Variants in DNAJC6 observed in about 807,000 individuals in gnomAD.
The protein encoded by DNAJC6 is auxilin.
DNAJC6 carries 34 observed loss-of-function variants against 110.0 expected under a neutral mutation model. That is an observed-to-expected ratio of 0.31 (90% confidence interval 0.24 to 0.41). The LOEUF (loss-of-function observed/expected upper bound fraction) is 0.41. Among genes scored for constraint, DNAJC6 ranks in the 10% least tolerant of loss-of-function variants. DNAJC6 has a pLI of 1.00. For missense variants in DNAJC6, 1,031 were observed against 1,207.8 expected, an observed-to-expected ratio of 0.85 and a Z score of 2.17; for synonymous variants, 406 against 437.2, an observed-to-expected ratio of 0.93 and a Z score of 0.89.
At chr1:65,358,779 T>A (rs886679015) in intron 1 of DNAJC6, among the ~76,000 whole-genome samples, 1 of 152,204 alleles carries the variant, frequency 6.6e-6, no homozygotes, top group Non-Finnish European at 1.5e-5. Context: ...TTGAAAAAAA[T>A]ACATCATTTA....
In DNAJC6 at chr1:65,275,894, A is replaced by G. The variant is rs1428169578; in HGVS notation, c.-131+10962A>G. 2.1e-5 allele frequency among the ~76,000 whole-genome samples: 3 copies of G among 139,658 alleles called. No homozygotes were observed. In the Admixed American group the frequency reaches 2.3e-4, roughly 11 times the overall value. The allele number at this position is 139,658 out of a possible 152,430, so 91.6% of individuals were successfully genotyped here. ...ATTTTTCAGTTCTAGAGTTACTATT[A>G]GATTCTTTTTTTTTTTTTTTGAGAC... On this transcript the variant is annotated intron_variant, in intron 1 of 19. Coordinates refer to the DNAJC6 transcript ENST00000263441.
At chr1:65,363,044 AGC>A (rs1383086555) in intron 1 of DNAJC6, among the ~76,000 whole-genome samples, 6 of 152,322 alleles carry the variant, frequency 3.9e-5, no homozygotes, top group African/African-American at 1.2e-4. Flanking sequence ...GTGAAGGGGA[AGC>A]AAGTCACATC....
intron 1 of DNAJC6, among the ~76,000 whole-genome samples, chr1:65,351,229 T>C (rs1168505083): frequency 6.6e-6 from 1 of 152,216 alleles, no homozygotes; most frequent in Admixed American, 6.5e-5. Context: ...TGTGGTTTCT[T>C]TCTTTCAAAG....
intron 1 of DNAJC6, among the ~76,000 whole-genome samples, chr1:65,276,533 C>T (rs1653677201): frequency 6.6e-6 from 1 of 152,122 alleles, no homozygotes; most frequent in Admixed American, 6.5e-5. Flanking sequence ...TCTGGTTCTC[C>T]TAATCCCAGG....
chr1:65,389,178 T>C (rs1370565276), intron 9 of DNAJC6, 78 bp from the exon 10 acceptor site: 1 of 1,344,484 alleles, frequency 7.4e-7, no homozygotes, highest in Admixed American at 2.0e-5. Context: ...AGAGTCAACC[T>C]AAGATGACTT....
chr1:65,338,973 A>G (rs1314683235), intron 1 of DNAJC6, among the ~76,000 whole-genome samples: 2 of 152,142 alleles, frequency 1.3e-5, no homozygotes, highest in East Asian at 3.9e-4. Flanking sequence ...TCTGTGCTCC[A>G]TTGATGCCCT....
intron 4 of DNAJC6, among the ~76,000 whole-genome samples, chr1:65,368,686 T>TTCCTCCTCCTCTTCCTCC (rs1274394161): frequency 7.1e-6 from 1 of 140,208 alleles, no homozygotes; most frequent in African/African-American, 2.7e-5. Flanking sequence ...CCTTCCTCCC[T>TTCCTCCTCCTCTTCCTCC]TCCTCCTCCT....
rs199682041 is a variant in DNAJC6 at position 65,384,364 on chromosome 1, T to C, written c.800+38T>C. On this transcript the variant is annotated intron_variant, in intron 6 of 18. Coordinates refer to ENST00000371069, the MANE Select transcript of DNAJC6 (RefSeq NM_001256864.2). ...AGATGCAGGCTAGGCACAGATGTAG[T>C]CTAATTGGTATCATGTACTGTTTTA... 2.0e-6 allele frequency: 3 copies of C among 1,475,508 alleles called. No individual in the cohort carries two copies. In the African/African-American group the frequency reaches 4.3e-5, roughly 21 times the overall value. The allele number at this position is 1,475,508 out of a possible 1,614,324, so 91.4% of individuals were successfully genotyped here.
intron 14 of DNAJC6, among the ~76,000 whole-genome samples, chr1:65,400,989 T>C (rs1361730627): frequency 6.6e-6 from 1 of 152,232 alleles, no homozygotes; most frequent in Non-Finnish European, 1.5e-5. Context: ...ACATGTTTTT[T>C]GTTTTTTTTA....
intron 1 of DNAJC6, among the ~76,000 whole-genome samples, chr1:65,345,880 G>A (rs913656535): frequency 2.0e-5 from 3 of 152,136 alleles, no homozygotes; most frequent in African/African-American, 7.2e-5. Flanking sequence ...CACAAGGGAG[G>A]GTAGTGGCCA....
chr1:65,370,874 A>G (rs967962342), intron 4 of DNAJC6, among the ~76,000 whole-genome samples: 3 of 152,194 alleles, frequency 2.0e-5, no homozygotes, highest in African/African-American at 7.2e-5. Flanking sequence ...AGAGGTCGCT[A>G]CAGCTCCCAG....
chr1:65,386,920 A>C lies in DNAJC6; in HGVS notation c.1104A>C (p.Leu368=), dbSNP rs1645878419. 6.2e-7 allele frequency: 1 copy of C among 1,613,704 alleles called. No homozygotes were observed. Among genetic ancestry groups the C allele is most frequent in the Admixed American group, 1.7e-5 (1 of 60,000 alleles). The part of the protein sequence containing the change: ...YHLRSTIGSR[L]QAKVTNTQIF... ...TGAGGTCAACCATTGGGAGCCGGCTACAGGCTAAGGTATGGTTTTTGGAAG... is the reference window on the plus strand; with the variant it reads ...TGAGGTCAACCATTGGGAGCCGGCTCCAGGCTAAGGTATGGTTTTTGGAAG... The change falls in exon 8 of 19, where the codon CTA becomes CTC. Residue 368 remains leucine, a synonymous_variant. Transcript: ENST00000371069.
chr1:65,320,959 C>T (rs1347882406), intron 1 of DNAJC6, among the ~76,000 whole-genome samples: 2 of 151,788 alleles, frequency 1.3e-5, no homozygotes, highest in Non-Finnish European at 2.9e-5. Context: ...ATGCAAAGAC[C>T]TGGAGAAGGG....
At chr1:65,303,095 A>G (rs888473284) in intron 1 of DNAJC6, among the ~76,000 whole-genome samples, 1 of 152,226 alleles carries the variant, frequency 6.6e-6, no homozygotes, top group African/African-American at 2.4e-5. Flanking sequence ...AGCAAATGGA[A>G]ATGTGTTTTT....
chr1:65,374,975 A>G (rs188456251), intron 4 of DNAJC6, among the ~76,000 whole-genome samples: 97 of 143,302 alleles, frequency 6.8e-4, no homozygotes, highest in Non-Finnish European at 6.7e-4. Flanking sequence ...TTTTCTGAGG[A>G]TTTTTTTTTT....
At chr1:65,265,068 C>T in intron 1 of DNAJC6, 1 of 743,248 alleles carries the variant, frequency 1.3e-6, no homozygotes, top group East Asian at 2.8e-5. Flanking sequence ...TATTAACATT[C>T]TAGTTATATA....
intron 1 of DNAJC6, among the ~76,000 whole-genome samples, chr1:65,300,307 C>G (rs1644967165): frequency 6.6e-6 from 1 of 152,028 alleles, no homozygotes; most frequent in Non-Finnish European, 1.5e-5. Context: ...AACTCATGGT[C>G]CAAGTACCTG....
chr1:65,283,660 G>A (rs1270141952), intron 1 of DNAJC6, among the ~76,000 whole-genome samples: 1 of 152,108 alleles, frequency 6.6e-6, no homozygotes, highest in Admixed American at 6.6e-5. Flanking sequence ...ATTTCTTTGG[G>A]ATAAATGCCC....
At chr1:65,308,597 T>C (rs1257668025), upstream of DNAJC6, among the ~76,000 whole-genome samples, 1 of 152,232 alleles carries the variant, frequency 6.6e-6, no homozygotes, top group Non-Finnish European at 1.5e-5. Flanking sequence ...CACAGCTTAA[T>C]TAACTTCATG....
Sources: allele counts gnomAD v4.1 joint callset (sites outside exome capture counted in the v4.1 genomes callset), GRCh38; gene constraint gnomAD v4.1.1; transcripts MANE v1.5; gene names NCBI Gene and HGNC (gene_info 2026-07-23, HGNC 2026-07-21).